The following SLC22A24 variants were observed in gnomAD, a reference collection of about 807,000 sequenced individuals.
The protein encoded by SLC22A24 is steroid transmembrane transporter SLC22A24.
Under a neutral mutation model 49.8 loss-of-function variants are expected in SLC22A24, and 53 were observed. That is an observed-to-expected ratio of 1.06 (90% CI 0.85 to 1.34). The LOEUF (loss-of-function observed/expected upper bound fraction) is 1.34, where lower values mean the gene tolerates loss of function less well. SLC22A24 is among the 40% of genes most tolerant of loss of function. SLC22A24 has a pLI of 0.00. For synonymous variants in SLC22A24, 302 were observed against 256.4 expected (o/e 1.18, Z -1.70); for missense variants, 786 against 675.9 (o/e 1.16, Z -1.81).
chr11:63,099,266 T>C (rs542898812), intron 5 of SLC22A24, among the ~76,000 whole-genome samples: 1 of 151,750 alleles, frequency 6.6e-6, no homozygotes, highest in East Asian at 1.9e-4. Flanking sequence ...GATGCTTTCA[T>C]GGCTTATAGC....
At chr11:63,125,114 TAAA>T (rs72251308) in intron 2 of SLC22A24, among the ~76,000 whole-genome samples, 127 of 151,372 alleles carry the variant, frequency 8.4e-4, no homozygotes, top group Middle Eastern at 3.4e-3. Flanking sequence ...AATACAAAAA[TAAA>T]AAAAAACAAA....
At chr11:63,118,540 T>G in intron 4 of SLC22A24, 1 of 431,964 alleles carries the variant, frequency 2.3e-6, no homozygotes, top group Non-Finnish European at 4.1e-6. Flanking sequence ...GTTATGTAGA[T>G]AAATTTATTG....
At chr11:63,091,045 A>C (rs1010133110) in intron 6 of SLC22A24, among the ~76,000 whole-genome samples, 3 of 152,048 alleles carry the variant, frequency 2.0e-5, no homozygotes, top group Admixed American at 6.6e-5. Flanking sequence ...AGCTAGACTA[A>C]TAAAGAAGAA....
intron 2 of SLC22A24, among the ~76,000 whole-genome samples, chr11:63,130,006 C>T (rs1300783682): frequency 6.6e-6 from 1 of 152,156 alleles, no homozygotes; most frequent in Non-Finnish European, 1.5e-5. Flanking sequence ...GAACTTCCAA[C>T]ACTATGTTGA....
intron 6 of SLC22A24, among the ~76,000 whole-genome samples, chr11:63,093,134 A>G (rs930134002): frequency 2.6e-5 from 4 of 152,244 alleles, no homozygotes; most frequent in South Asian, 4.1e-4. Flanking sequence ...CAAAACCACA[A>G]TGAGATACCA....
chr11:63,119,406 G>A (rs1565334810), intron 2 of SLC22A24, 71 bp from the exon 3 acceptor site: 4 of 1,353,908 alleles, frequency 3.0e-6, no homozygotes, highest in East Asian at 2.5e-5. Flanking sequence ...ACAAACAATG[G>A]CGCATCTTGA....
intron 4 of SLC22A24, among the ~76,000 whole-genome samples, chr11:63,105,003 A>T (rs2087111657): frequency 6.6e-6 from 1 of 152,212 alleles, no homozygotes; most frequent in African/African-American, 2.4e-5. Context: ...GGGGTATAGC[A>T]GTGGATTTGA....
chr11:63,080,040 CAAA>C, intron 9 of SLC22A24, 40 bp from the exon 10 acceptor site: 1 of 1,331,708 alleles, frequency 7.5e-7, no homozygotes, highest in East Asian at 2.5e-5. Flanking sequence ...GATTAAGAAA[CAAA>C]AAATAAATAA....
chr11:63,138,905 T>C (rs2087395161), intron 1 of SLC22A24, among the ~76,000 whole-genome samples: 1 of 152,166 alleles, frequency 6.6e-6, no homozygotes, highest in Non-Finnish European at 1.5e-5. Context: ...AACTACCTTG[T>C]AGAGATTCTA....
chr11:63,098,940 A>G (rs2087072268), intron 5 of SLC22A24, among the ~76,000 whole-genome samples: 1 of 152,292 alleles, frequency 6.6e-6, no homozygotes, highest in African/African-American at 2.4e-5. Flanking sequence ...ATTACAACCA[A>G]TACTGCAGAA....
chr11:63,111,738 C>CT (rs1038107764), intron 4 of SLC22A24, among the ~76,000 whole-genome samples: 1 of 152,070 alleles, frequency 6.6e-6, no homozygotes, highest in Admixed American at 6.6e-5. Context: ...ATTCTTCTCT[C>CT]TTTTTTTCTG....
At chr11:63,122,054 A>G (rs4121459) in intron 2 of SLC22A24, among the ~76,000 whole-genome samples, 116,974 of 151,690 alleles carry the variant, frequency 0.77, 46,880 homozygotes, top group East Asian at 0.9. Flanking sequence ...TTACCTCATC[A>G]ATAAGGAAAA....
chr11:63,106,177 C>A (rs866011520), intron 4 of SLC22A24, among the ~76,000 whole-genome samples: 1 of 147,710 alleles, frequency 6.8e-6, no homozygotes, highest in Non-Finnish European at 1.5e-5. Flanking sequence ...TGAGAACATG[C>A]GGTGTTTGGT....
At chr11:63,085,596 GA>G (rs1048955231) in intron 6 of SLC22A24, among the ~76,000 whole-genome samples, 1 of 152,138 alleles carries the variant, frequency 6.6e-6, no homozygotes, top group Non-Finnish European at 1.5e-5. Context: ...GAGAGGAAAA[GA>G]AAATACAAAC....
intron 2 of SLC22A24, among the ~76,000 whole-genome samples, chr11:63,131,580 T>C (rs778586036): frequency 2.6e-5 from 4 of 152,226 alleles, no homozygotes; most frequent in African/African-American, 4.8e-5. Context: ...TGAAAATTCT[T>C]TTTTTAAGAA....
chr11:63,092,229 A>G (rs2087024627), intron 6 of SLC22A24, among the ~76,000 whole-genome samples: 1 of 151,924 alleles, frequency 6.6e-6, no homozygotes, highest in South Asian at 2.1e-4. Context: ...AGAACTACAT[A>G]CCAGTGCTCA....
Position 63,094,138 on chromosome 11 carries a change from C to T in SLC22A24, c.1070+1853G>A, listed in dbSNP as rs183403433. On this transcript the variant is annotated intron_variant, in intron 6 of 9. Transcript: ENST00000612278. ...GTATATCTCCTAATGCTATCCCTCCCCCCTCCCCCGACCCCACAACAGTCC... is the reference window on the plus strand; with the variant it reads ...GTATATCTCCTAATGCTATCCCTCCTCCCTCCCCCGACCCCACAACAGTCC... Among the ~76,000 whole-genome samples, 941 of 115,124 alleles carry T rather than the reference C, an allele frequency of 8.2e-3. 5 individuals are homozygous for T. The highest frequency in any genetic ancestry group is 0.013 in the Non-Finnish European group (741 of 57,442). 75.5% of individuals were successfully genotyped at this position (115,124 alleles called of 152,430 possible).
chr11:63,137,332 G>A (rs1306933069), intron 1 of SLC22A24, among the ~76,000 whole-genome samples: 3 of 152,184 alleles, frequency 2.0e-5, no homozygotes, highest in African/African-American at 4.8e-5. Flanking sequence ...TCATCTTTGT[G>A]TGTGTTTGTA....
intron 4 of SLC22A24, among the ~76,000 whole-genome samples, chr11:63,108,123 A>G (rs987537064): frequency 5.3e-5 from 8 of 152,150 alleles, no homozygotes; most frequent in Non-Finnish European, 8.8e-5. Flanking sequence ...TACCTAGTCT[A>G]TTGAGAGTTT....
Sources: allele counts gnomAD v4.1 joint callset (sites outside exome capture counted in the v4.1 genomes callset), GRCh38; gene constraint gnomAD v4.1.1; transcripts MANE v1.5; gene names NCBI Gene and HGNC (gene_info 2026-07-23, HGNC 2026-07-21).